Variants in SPEF1 observed in about 807,000 individuals in gnomAD.
SPEF1 encodes sperm flagellar and cilia associated 1, also known as sperm flagella and cilia-associated protein 1.
In SPEF1, 30 loss-of-function variants were observed where a neutral mutation model predicts 31.8. The ratio of observed to expected loss-of-function variants is 0.94; its 90% CI spans 0.70 to 1.28. The LOEUF (loss-of-function observed/expected upper bound fraction) is 1.28, where lower values mean the gene tolerates loss of function less well. Among genes scored for constraint, SPEF1 ranks in the 50% most tolerant of loss-of-function variants. The pLI is 0.00. For missense variants in SPEF1, 298 were observed against 309.6 expected (o/e 0.96, Z 0.28); for synonymous variants, 126 against 130.1 (o/e 0.97, Z 0.21).
intron 2 of SPEF1, 109 bp from the exon 3 acceptor site, chr20:3,779,461 G>C: frequency 9.5e-7 from 1 of 1,055,596 alleles, no homozygotes; most frequent in South Asian, 1.5e-5. Context: ...TACAGCCCTG[G>C]GGGAGTGAAA....
Position 3,778,948 on chromosome 20 carries a change from T to A in SPEF1, c.418+3A>T. On this transcript the variant is annotated splice_donor_region_variant and intron_variant, in intron 4 of 6. Transcript: ENST00000379756. ...GAGGGAGAAATGGAAAAGGCCACCTTACCCACATCCATGTAGCCACTGCCA... is the reference window on the plus strand; with the variant it reads ...GAGGGAGAAATGGAAAAGGCCACCTAACCCACATCCATGTAGCCACTGCCA... 1 of 1,614,096 alleles carries A rather than the reference T, an allele frequency of 6.2e-7. No homozygotes were observed. Among genetic ancestry groups the A allele is most frequent in the Admixed American group, 1.7e-5 (1 of 60,018 alleles).
At chr20:3,779,573 C>T (rs2088767610) in intron 2 of SPEF1, 91 bp downstream of exon 2, 3 of 1,019,866 alleles carry the variant, frequency 2.9e-6, no homozygotes, top group Admixed American at 1.9e-5. Flanking sequence ...ATTCTGTCTG[C>T]GTTGACCCTC....
rs1310647700 is a variant in SPEF1 at position 3,778,520 on chromosome 20, C to T, written c.504G>A (p.Arg168=). Residue 168 remains arginine, a synonymous_variant, in exon 6 of 7, where the codon CGG becomes CGA. Transcript: ENST00000379756. ...QLSWDRPPAP[R]PPAYNRALQG... is the part of the protein sequence containing the mutation. ...GCAACGCCCGGTTATACGCTGGAGG[C>T]CGAGGCGCCGGCGGCCGGTCCCAGC... 1 of 1,609,902 alleles carries T rather than the reference C, an allele frequency of 6.2e-7. No individual in the cohort carries two copies. The highest frequency in any genetic ancestry group is 1.3e-5 in the African/African-American group (1 of 75,018).
In SPEF1 at chr20:3,778,233, C is replaced by T. The variant is rs199671355; in HGVS notation, c.690G>A (p.Gln230=). The T allele has an allele frequency of 6.2e-7, 1 of 1,601,106 alleles. No individual in the cohort carries two copies. Among genetic ancestry groups the T allele is most frequent in the African/African-American group, 1.3e-5 (1 of 74,718 alleles). Residue 230 remains glutamine (Q), a synonymous_variant, in exon 7 of 7, where the codon CAG becomes CAA. Coordinates refer to ENST00000379756, the MANE Select transcript of SPEF1 (RefSeq NM_015417.5). The part of the protein sequence containing the change: ...RIEDLSRRLQ[Q]AERKQR ...CCGCTCACCGCTGCTTACGCTCCGCCTGCTGGAGCCGCCGGGAGAGGTCTT... is the reference window on the plus strand; with the variant it reads ...CCGCTCACCGCTGCTTACGCTCCGCTTGCTGGAGCCGCCGGGAGAGGTCTT...
At chr20:3,779,479 G>C (rs371374546) in intron 2 of SPEF1, 127 bp from the exon 3 acceptor site, 2 of 919,230 alleles carry the variant, frequency 2.2e-6, no homozygotes, top group Non-Finnish European at 3.4e-6. Flanking sequence ...AAAGCGCATC[G>C]CATCTGAGCT....
chr20:3,781,251 G>A lies in SPEF1; in HGVS notation c.37C>T (p.Leu13=). Residue 13 remains leucine, a synonymous_variant, in exon 1 of 7, where the codon CTG becomes TTG. Transcript: ENST00000379756. ...SSVDEEALHQ[L]YLWVDNIPLS... ...GGGATGTTGTCTACCCACAGGTACAGCTGGTGCAGCGCCTCCTCGTCCACG... is the reference window on the plus strand; with the variant it reads ...GGGATGTTGTCTACCCACAGGTACAACTGGTGCAGCGCCTCCTCGTCCACG... 6.2e-7 allele frequency: 1 copy of A among 1,614,188 alleles called. No individual in the cohort carries two copies. Among genetic ancestry groups the A allele is most frequent in the South Asian group, 1.1e-5 (1 of 91,086 alleles).
chr20:3,779,296 G>C lies in SPEF1; in HGVS notation c.278C>G (p.Ala93Gly). 1.3e-6 allele frequency: 2 copies of C among 1,599,488 alleles called. No individual in the cohort carries two copies. Among genetic ancestry groups the C allele is most frequent in the Non-Finnish European group, 1.7e-6 (2 of 1,172,100 alleles). ...SVPDDVMRKI[A>G]QCAPGVVELV... ...CTCCACCACGCCTGGGGCGCACTGCGCGATCTTGCGCATCACGTCATCCGG... is the reference window on the plus strand; with the variant it reads ...CTCCACCACGCCTGGGGCGCACTGCCCGATCTTGCGCATCACGTCATCCGG... The change falls in exon 3 of 7, where the codon GCG becomes GGG. Residue 93 changes from alanine to glycine, a missense_variant. By Grantham distance (60) the Ala-to-Gly change is moderately conservative. Transcript: ENST00000379756.
chr20:3,779,405 G>A, intron 2 of SPEF1, 53 bp from the exon 3 acceptor site: 1 of 1,485,044 alleles, frequency 6.7e-7, no homozygotes, highest in Non-Finnish European at 9.2e-7. Context: ...ATGAAGCGAG[G>A]GGATGGGGGA....
At chr20:3,778,585 C>A (rs781338528) in intron 5 of SPEF1, 41 bp from the exon 6 acceptor site, 1 of 1,582,910 alleles carries the variant, frequency 6.3e-7, no homozygotes, top group South Asian at 1.1e-5. Context: ...GGACCTCGGG[C>A]CCTACACTCA....
rs774324525 is a variant in SPEF1, at chr20:3,778,164, G to A, written c.*48C>T. On this transcript the variant is annotated 3_prime_UTR_variant, in exon 7 of 7. Coordinates refer to ENST00000379756, the MANE Select transcript of SPEF1 (RefSeq NM_015417.5). The stretch of plus-strand genomic sequence containing the variant: ...CGGTGGGTGGGTCCGGCGCGGCGTC[G>A]GGGCTCTGGCGGGTACCCGGGCGTC... 3.3e-5 allele frequency: 44 copies of A among 1,353,110 alleles called. No homozygotes were observed. The East Asian group carries it at 9.1e-4, about 28-fold the overall frequency. 83.8% of individuals were successfully genotyped at this position (1,353,110 alleles called of 1,614,324 possible).
At chr20:3,779,900 C>A (rs567521405) in intron 1 of SPEF1, 125 bp from the exon 2 acceptor site, 13 of 533,026 alleles carry the variant, frequency 2.4e-5, no homozygotes, top group South Asian at 2.1e-4. Flanking sequence ...GGTGGAGATG[C>A]GGAAAGGGGA....
Position 3,779,303 on chromosome 20 carries a change from T to C in SPEF1, c.271A>G (p.Lys91Glu), listed in dbSNP as rs1256019193. ...ACGCCTGGGGCGCACTGCGCGATCTTGCGCATCACGTCATCCGGTACTGAA... is the reference window on the plus strand; with the variant it reads ...ACGCCTGGGGCGCACTGCGCGATCTCGCGCATCACGTCATCCGGTACTGAA... ...NFSVPDDVMR[K>E]IAQCAPGVVE... Residue 91 changes from lysine (K) to glutamate (E), a missense_variant, in exon 3 of 7, where the codon AAG becomes GAG. Lys to Glu is a moderately conservative substitution (Grantham distance 56). Coordinates refer to ENST00000379756, the MANE Select transcript of SPEF1 (RefSeq NM_015417.5). The C allele has an allele frequency of 6.2e-7, 1 of 1,600,920 alleles. No homozygotes were observed. Among genetic ancestry groups the C allele is most frequent in the South Asian group, 1.1e-5 (1 of 89,026 alleles).
chr20:3,778,116 C>T lies in SPEF1; in HGVS notation c.*96G>A, dbSNP rs748306489. The T allele has an allele frequency of 1.8e-5, 16 of 890,800 alleles. No homozygotes were observed. The highest frequency in any genetic ancestry group is 2.3e-5 in the Non-Finnish European group (14 of 603,930). 55.2% of individuals were successfully genotyped at this position (890,800 alleles called of 1,614,324 possible). A position where few individuals can be genotyped will look rare whatever the true frequency, so the allele number is the denominator to read the frequency against. ...GCAGGCTCGTGAGAGCAGCGGGCTC[C>T]GCCCTCCCAATGGTCTATCCATCGG... On this transcript the variant is annotated 3_prime_UTR_variant, in exon 7 of 7. Transcript: ENST00000379756.
At position 3,779,305 on chromosome 20, in the gene SPEF1, C is replaced by T. The variant is rs772886788; in HGVS notation, c.269G>A (p.Arg90His). The change falls in exon 3 of 7, where the codon CGC (arginine) becomes CAC (histidine). Residue 90 changes from arginine to histidine, a missense_variant. Transcript: ENST00000379756. ...LNFSVPDDVMRKIAQCAPGVV... is the reference protein window; with the variant it reads ...LNFSVPDDVMHKIAQCAPGVV... Reference sequence around the variant, plus strand: ...GCCTGGGGCGCACTGCGCGATCTTGCGCATCACGTCATCCGGTACTGAAAA... The same window carrying T: ...GCCTGGGGCGCACTGCGCGATCTTGTGCATCACGTCATCCGGTACTGAAAA... The T allele has an allele frequency of 4.4e-6, 7 of 1,600,070 alleles. No individual in the cohort carries two copies. The South Asian group carries it at 5.6e-5, about 13-fold the overall frequency.
rs6052075 is a variant in SPEF1, at chr20:3,780,634, C to T, written c.109+545G>A. ...AGAAGCACAAAAAGCCACATATGCA[C>T]ACAGCCTCCCCAAATATACAGATAC... On this transcript the variant is annotated intron_variant, in intron 1 of 6. Coordinates refer to ENST00000379756, the MANE Select transcript of SPEF1 (RefSeq NM_015417.5). Among the ~76,000 whole-genome samples the T allele has an allele frequency of 5.7e-3, 875 of 152,262 alleles. 10 individuals are homozygous for T. The highest frequency in any genetic ancestry group is 0.019 in the African/African-American group (780 of 41,544).
At position 3,778,140 on chromosome 20, in the gene SPEF1, G is replaced by T; in HGVS notation, c.*72C>A. 3 of 1,112,224 alleles carry T rather than the reference G, an allele frequency of 2.7e-6. No homozygotes were observed. The highest frequency in any genetic ancestry group is 3.8e-6 in the Non-Finnish European group (3 of 792,738). 68.9% of individuals were successfully genotyped at this position (1,112,224 alleles called of 1,614,324 possible). On this transcript the variant is annotated 3_prime_UTR_variant, in exon 7 of 7. Coordinates refer to ENST00000379756, the MANE Select transcript of SPEF1 (RefSeq NM_015417.5). ...CCGCCCTCCCAATGGTCTATCCATC[G>T]GTGGGTGGGTCCGGCGCGGCGTCGG...
chr20:3,778,513 C>G lies in SPEF1; in HGVS notation c.511G>C (p.Ala171Pro). Reference sequence around the variant, plus strand: ...TCGCCCTGCAACGCCCGGTTATACGCTGGAGGCCGAGGCGCCGGCGGCCGG... The same window carrying G: ...TCGCCCTGCAACGCCCGGTTATACGGTGGAGGCCGAGGCGCCGGCGGCCGG... ...WDRPPAPRPPAYNRALQGDPS... is the reference protein window; with the variant it reads ...WDRPPAPRPPPYNRALQGDPS... Residue 171 changes from alanine (A) to proline (P), a missense_variant, in exon 6 of 7, where the codon GCG becomes CCG. Coordinates refer to ENST00000379756, the MANE Select transcript of SPEF1 (RefSeq NM_015417.5). The G allele has an allele frequency of 1.2e-6, 2 of 1,611,362 alleles. No homozygotes were observed. Among genetic ancestry groups the G allele is most frequent in the South Asian group, 1.1e-5 (1 of 90,992 alleles).
chr20:3,779,357 G>A lies in SPEF1; in HGVS notation c.222-5C>T. 1 of 1,588,766 alleles carries A rather than the reference G, an allele frequency of 6.3e-7. No homozygotes were observed. Among genetic ancestry groups the A allele is most frequent in the African/African-American group, 1.3e-5 (1 of 74,632 alleles). On this transcript the variant is annotated splice_polypyrimidine_tract_variant and splice_region_variant and intron_variant, in intron 2 of 6. Transcript: ENST00000379756. ...TTCAGCCTCTTCAGTACCTTCCTGA[G>A]GGGTAGACATTGGGATAGCAGATTG...
In SPEF1 at chr20:3,778,506, T is replaced by A; in HGVS notation, c.518A>T (p.Asn173Ile). Residue 173 changes from asparagine to isoleucine, a missense_variant, in exon 6 of 7, where the codon AAC becomes ATC. Transcript: ENST00000379756. Reference protein sequence around the residue: ...RPPAPRPPAYNRALQGDPSFV... With the variant: ...RPPAPRPPAYIRALQGDPSFV... ...GCTGGGGTCGCCCTGCAACGCCCGG[T>A]TATACGCTGGAGGCCGAGGCGCCGG... 1 of 1,612,324 alleles carries A rather than the reference T, an allele frequency of 6.2e-7. No individual in the cohort carries two copies. The highest frequency in any genetic ancestry group is 8.5e-7 in the Non-Finnish European group (1 of 1,179,694).
Sources: gnomAD v4.1 joint callset for allele counts (sites outside exome capture counted in the v4.1 genomes callset) on GRCh38, gnomAD v4.1.1 for gene constraint, MANE v1.5 for transcripts, NCBI Gene and HGNC (gene_info 2026-07-23, HGNC 2026-07-21) for gene names.